WDPCP: variants seen among roughly 807,000 people sequenced by gnomAD.
WDPCP encodes the protein WD repeat containing planar cell polarity effector.
In WDPCP, 71 loss-of-function variants were observed where a neutral mutation model predicts 93.1. The ratio of observed to expected loss-of-function variants is 0.76; its 90% CI spans 0.63 to 0.93. The LOEUF (loss-of-function observed/expected upper bound fraction) is 0.93, where lower values mean the gene tolerates loss of function less well. WDPCP is among the 40% of genes least tolerant of loss of function. The pLI is 0.00. For missense variants in WDPCP, 844 were observed against 887.4 expected, an observed-to-expected ratio of 0.95 and a Z score of 0.62; for synonymous variants, 315 against 315.0, an observed-to-expected ratio of 1.00 and a Z score of 0.00.
intron 12 of WDPCP, among the ~76,000 whole-genome samples, chr2:63,313,771 G>A (rs59902052): frequency 0.032 from 4,863 of 150,490 alleles, 238 homozygotes; most frequent in African/African-American, 0.11. Flanking sequence ...TTAGCAAATT[G>A]TACTATTTGT....
intron 2 of WDPCP, among the ~76,000 whole-genome samples, chr2:63,743,422 T>C (rs1669753117): frequency 6.6e-6 from 1 of 152,116 alleles, no homozygotes; most frequent in Non-Finnish European, 1.5e-5. Context: ...GATTTGCTAA[T>C]TCCTTTGAAT....
At chr2:63,397,418 G>T (rs1693819921) in intron 10 of WDPCP, among the ~76,000 whole-genome samples, 3 of 152,174 alleles carry the variant, frequency 2.0e-5, no homozygotes, top group Non-Finnish European at 1.5e-5. Flanking sequence ...ACATCCAAGA[G>T]AAGTTATTCA....
intron 13 of WDPCP, among the ~76,000 whole-genome samples, chr2:63,271,350 A>G (rs1015729845): frequency 2.0e-5 from 3 of 152,198 alleles, no homozygotes; most frequent in Non-Finnish European, 4.4e-5. Context: ...CCACTACTGC[A>G]TGAGTGCACT....
upstream of WDPCP, among the ~76,000 whole-genome samples, chr2:63,832,294 G>A (rs762944654): frequency 2.0e-5 from 3 of 152,198 alleles, no homozygotes; most frequent in Non-Finnish European, 4.4e-5. Context: ...CCTTCCTCAT[G>A]CAGCAGTCTC....
intron 12 of WDPCP, among the ~76,000 whole-genome samples, chr2:63,346,028 G>C (rs1689168624): frequency 6.6e-6 from 1 of 152,192 alleles, no homozygotes; most frequent in African/African-American, 2.4e-5. Flanking sequence ...TCTCGGATTG[G>C]ATTAAGAGGA....
intron 1 of WDPCP, among the ~76,000 whole-genome samples, chr2:63,520,725 C>T (rs879712870): frequency 6.6e-6 from 1 of 151,898 alleles, no homozygotes; most frequent in Non-Finnish European, 1.5e-5. Flanking sequence ...AATCCCATCT[C>T]TACAAAAATA....
At chr2:63,440,184 T>G (rs1201166444) in intron 6 of WDPCP, 2 of 249,264 alleles carry the variant, frequency 8.0e-6, no homozygotes, top group African/African-American at 4.4e-5. Flanking sequence ...CTGCTTTGTT[T>G]TGGATTCAGA....
At chr2:63,378,353 T>A in intron 12 of WDPCP, 33 bp downstream of exon 12, 1 of 1,612,070 alleles carries the variant, frequency 6.2e-7, no homozygotes, top group Non-Finnish European at 8.5e-7. Flanking sequence ...AAGTAATTAG[T>A]CTGACGCTAA....
chr2:63,809,458 G>C (rs2104079725), intron 2 of WDPCP, among the ~76,000 whole-genome samples: 1 of 152,354 alleles, frequency 6.6e-6, no homozygotes, highest in African/African-American at 2.4e-5. Context: ...TGGCGGTTTT[G>C]TGGAATACAA....
chr2:63,143,345 A>T (rs1671237337), intron 17 of WDPCP, among the ~76,000 whole-genome samples: 1 of 152,122 alleles, frequency 6.6e-6, no homozygotes, highest in African/African-American at 2.4e-5. Flanking sequence ...AAGGCAGCAG[A>T]GAGTTGGTTG....
chr2:63,136,921 T>C (rs571403723), intron 17 of WDPCP, among the ~76,000 whole-genome samples: 1 of 152,344 alleles, frequency 6.6e-6, no homozygotes, highest in South Asian at 2.1e-4. Context: ...TAGTATTCCA[T>C]GGTATATATG....
chr2:63,313,347 A>T (rs748474788), intron 12 of WDPCP, 36 bp from the exon 13 acceptor site: 1 of 1,578,822 alleles, frequency 6.3e-7, no homozygotes, highest in Non-Finnish European at 8.7e-7. Context: ...TTAGTTGTGA[A>T]CAAGAATATA....
chr2:63,668,787 C>T (rs1328566703), intron 2 of WDPCP, among the ~76,000 whole-genome samples: 1 of 152,174 alleles, frequency 6.6e-6, no homozygotes, highest in Admixed American at 6.5e-5. Flanking sequence ...TCTGTACACT[C>T]CTGGTTCTCT....
intron 14 of WDPCP, among the ~76,000 whole-genome samples, chr2:63,244,175 GA>G (rs1680086024): frequency 6.6e-6 from 1 of 152,068 alleles, no homozygotes; most frequent in Non-Finnish European, 1.5e-5. Context: ...TGAAATTAAT[GA>G]AAACAGAGAC....
chr2:63,772,630 A>G (rs932294809), intron 2 of WDPCP, among the ~76,000 whole-genome samples: 1 of 152,088 alleles, frequency 6.6e-6, no homozygotes, highest in Non-Finnish European at 1.5e-5. Flanking sequence ...TATTGCTTTA[A>G]TGTTTGATTA....
chr2:63,565,632 TA>T (rs1481774082), intron 1 of WDPCP, among the ~76,000 whole-genome samples: 1 of 152,162 alleles, frequency 6.6e-6, no homozygotes, highest in East Asian at 1.9e-4. Context: ...ACTATATTGA[TA>T]GATAATCTTA....
intron 3 of WDPCP, chr2:63,605,916 A>G: frequency 6.3e-7 from 1 of 1,579,930 alleles, no homozygotes; most frequent in Middle Eastern, 1.7e-4. Flanking sequence ...CATCATGAGT[A>G]TGTGAAACAT....
At chr2:63,746,117 A>T (rs1340175650) in intron 2 of WDPCP, among the ~76,000 whole-genome samples, 1 of 152,176 alleles carries the variant, frequency 6.6e-6, no homozygotes, top group African/African-American at 2.4e-5. Context: ...AAGAACATAA[A>T]TTGTGAAGAT....
At chr2:63,783,287 T>C (rs1474729151) in intron 2 of WDPCP, among the ~76,000 whole-genome samples, 1 of 151,634 alleles carries the variant, frequency 6.6e-6, no homozygotes, top group Non-Finnish European at 1.5e-5. Flanking sequence ...CCAGGTGTCA[T>C]GGTACACACT....
Sources: gnomAD v4.1 joint callset for allele counts (sites outside exome capture counted in the v4.1 genomes callset) on GRCh38, gnomAD v4.1.1 for gene constraint, MANE v1.5 for transcripts, NCBI Gene and HGNC (gene_info 2026-07-23, HGNC 2026-07-21) for gene names.